The following KCNMB2 variants were observed in gnomAD, a reference collection of about 807,000 sequenced individuals.
KCNMB2 encodes the protein calcium-activated potassium channel subunit beta-2.
In KCNMB2, 9 loss-of-function variants were observed where a neutral mutation model predicts 24.5. The observed-to-expected ratio is 0.37, with a 90% confidence interval of 0.22 to 0.64. The LOEUF (loss-of-function observed/expected upper bound fraction) is 0.64, where lower values mean the gene tolerates loss of function less well. KCNMB2 is among the 30% of genes least tolerant of loss of function. The probability of loss-of-function intolerance (pLI) is 0.63; values close to 1 mark genes in which losing one functional copy is unlikely to be tolerated. For missense variants in KCNMB2, 226 were observed against 284.3 expected (o/e 0.79, Z 1.47); for synonymous variants, 109 against 104.4 (o/e 1.04, Z -0.27).
chr3:178,824,511 G>A (rs1577216556), intron 2 of KCNMB2: 1 of 154,768 alleles, frequency 6.5e-6, no homozygotes, highest in Non-Finnish European at 1.4e-5. Flanking sequence ...GGGACTACAG[G>A]CGCCCGCCAC....
At chr3:178,750,856 C>A (rs1193658163) in intron 1 of KCNMB2, among the ~76,000 whole-genome samples, 1 of 152,208 alleles carries the variant, frequency 6.6e-6, no homozygotes, top group African/African-American at 2.4e-5. Flanking sequence ...TCAACTCCAG[C>A]AGGCAAATTA....
At chr3:178,584,029 T>C (rs1053399297) in intron 1 of KCNMB2, among the ~76,000 whole-genome samples, 8 of 152,216 alleles carry the variant, frequency 5.3e-5, no homozygotes, top group Non-Finnish European at 8.8e-5. Context: ...ATTTTTGTCA[T>C]GTTTTGTAAT....
chr3:178,579,444 A>G (rs1245048993), intron 1 of KCNMB2, among the ~76,000 whole-genome samples: 1 of 152,182 alleles, frequency 6.6e-6, no homozygotes, highest in Non-Finnish European at 1.5e-5. Context: ...AGACCCTAAA[A>G]TGACAATTAA....
rs144299972 is a variant in KCNMB2, at chr3:178,794,462, A to C, written c.-67-12881A>C. ...CTGGTTGTGTTTTATCAGGTGAAGG[A>C]TTACACCAAGTGGAAGGAGGCCTGC... On this transcript the variant is annotated intron_variant, in intron 1 of 4. Transcript: ENST00000452583. 8.5e-5 allele frequency among the ~76,000 whole-genome samples: 13 copies of C among 152,206 alleles called. No homozygotes were observed. In the East Asian group the frequency reaches 2.5e-3, roughly 29 times the overall value.
intron 1 of KCNMB2, among the ~76,000 whole-genome samples, chr3:178,765,658 C>T (rs200557502): frequency 5.2e-5 from 4 of 76,658 alleles, no homozygotes; most frequent in Admixed American, 1.2e-4. Context: ...TGCATGTCCA[C>T]GTGTGTGTGC....
At chr3:178,544,372 C>T (rs988114531) in intron 1 of KCNMB2, among the ~76,000 whole-genome samples, 1 of 152,124 alleles carries the variant, frequency 6.6e-6, no homozygotes, top group African/African-American at 2.4e-5. Context: ...AGCCACTACC[C>T]TATTTTTCTA....
intron 1 of KCNMB2, among the ~76,000 whole-genome samples, chr3:178,780,045 GTT>G (rs1227616665): frequency 5.4e-5 from 5 of 93,144 alleles, no homozygotes; most frequent in African/African-American, 1.5e-4. Context: ...CCAATTAGTT[GTT>G]TTTTTTAAAA....
At chr3:178,720,926 C>T (rs1478392114) in intron 1 of KCNMB2, among the ~76,000 whole-genome samples, 2 of 152,142 alleles carry the variant, frequency 1.3e-5, no homozygotes, top group South Asian at 2.1e-4. Context: ...TCCCATTTTG[C>T]CTGTTCACTC....
At chr3:178,555,524 G>A (rs1466745133) in intron 1 of KCNMB2, among the ~76,000 whole-genome samples, 5 of 152,170 alleles carry the variant, frequency 3.3e-5, no homozygotes, top group African/African-American at 1.2e-4. Flanking sequence ...TATAACACAT[G>A]TGCTCATATG....
At chr3:178,614,427 A>T (rs1227792609) in intron 1 of KCNMB2, among the ~76,000 whole-genome samples, 1 of 149,976 alleles carries the variant, frequency 6.7e-6, no homozygotes, top group African/African-American at 2.5e-5. Flanking sequence ...GGTGAAAGTC[A>T]TGTCTTCATG....
At position 178,807,958 on chromosome 3, in the gene KCNMB2, G is replaced by C. The variant is rs138417010; in HGVS notation, c.56+493G>C. Among the ~76,000 whole-genome samples the C allele has an allele frequency of 4.2e-3, 633 of 151,784 alleles. 1 individual carries two copies. Among genetic ancestry groups the C allele is most frequent in the Non-Finnish European group, 7.6e-3 (518 of 67,910 alleles). On this transcript the variant is annotated intron_variant, in intron 2 of 4. Coordinates refer to ENST00000452583, the MANE Select transcript of KCNMB2 (RefSeq NM_181361.3). The stretch of plus-strand genomic sequence containing the variant: ...AAATAATAAATACTGAGAACTACTG[G>C]CAATTCAGTTTCTTCTTCTGAAGTG...
intron 1 of KCNMB2, among the ~76,000 whole-genome samples, chr3:178,680,032 C>T (rs966365769): frequency 3.3e-5 from 5 of 151,986 alleles, no homozygotes; most frequent in African/African-American, 9.7e-5. Context: ...GGGGAAGAAT[C>T]GGCCCCAGAC....
intron 1 of KCNMB2, among the ~76,000 whole-genome samples, chr3:178,616,391 C>T (rs892689652): frequency 2.0e-5 from 3 of 152,164 alleles, no homozygotes; most frequent in South Asian, 2.1e-4. Context: ...CTGGTTTAAA[C>T]ACTCCCTCCT....
intron 1 of KCNMB2, among the ~76,000 whole-genome samples, chr3:178,710,668 G>T (rs545625185): frequency 6.6e-6 from 1 of 152,094 alleles, no homozygotes; most frequent in East Asian, 1.9e-4. Flanking sequence ...CTGTGTATAG[G>T]AGGAGGCCAA....
intron 1 of KCNMB2, among the ~76,000 whole-genome samples, chr3:178,678,083 C>A (rs1301373146): frequency 1.3e-5 from 2 of 152,194 alleles, no homozygotes; most frequent in African/African-American, 4.8e-5. Flanking sequence ...GAGAAGGTTG[C>A]TGAAATCAGT....
chr3:178,734,699 T>A (rs1723261908), intron 1 of KCNMB2, among the ~76,000 whole-genome samples: 2 of 152,222 alleles, frequency 1.3e-5, no homozygotes, highest in African/African-American at 4.8e-5. Flanking sequence ...ATTCCAAATT[T>A]GGAGCCAGAT....
chr3:178,688,684 G>A (rs181199095), intron 1 of KCNMB2, among the ~76,000 whole-genome samples: 74 of 152,072 alleles, frequency 4.9e-4, no homozygotes, highest in Non-Finnish European at 1.0e-4. Context: ...ACTATCTAGT[G>A]TTTGCTTTTT....
At chr3:178,636,272 G>A (rs192588660) in intron 1 of KCNMB2, among the ~76,000 whole-genome samples, 1 of 152,220 alleles carries the variant, frequency 6.6e-6, no homozygotes, top group Non-Finnish European at 1.5e-5. Context: ...GGGAGTGAGG[G>A]ATAAAAGAAT....
chr3:178,786,176 T>C (rs1713091679), intron 1 of KCNMB2, among the ~76,000 whole-genome samples: 1 of 152,146 alleles, frequency 6.6e-6, no homozygotes, highest in African/African-American at 2.4e-5. Context: ...GTATGCTGGT[T>C]TCCTTCAGGA....
Sources: allele counts gnomAD v4.1 joint callset (sites outside exome capture counted in the v4.1 genomes callset), GRCh38; gene constraint gnomAD v4.1.1; transcripts MANE v1.5; gene names NCBI Gene and HGNC (gene_info 2026-07-23, HGNC 2026-07-21).